Variants in AFF1 observed in about 807,000 individuals in gnomAD.
AFF1 encodes ALF transcription elongation factor 1.
In AFF1, 48 loss-of-function variants were observed where a neutral mutation model predicts 121.7. The observed-to-expected ratio is 0.39, with a 90% confidence interval of 0.31 to 0.50. The LOEUF (loss-of-function observed/expected upper bound fraction) is 0.50. Among genes scored for constraint, AFF1 ranks in the 20% least tolerant of loss-of-function variants. The pLI is 0.76. For synonymous variants in AFF1, 613 were observed against 563.0 expected (o/e 1.09, Z -1.26); for missense variants, 1,523 against 1,511.7 (o/e 1.01, Z -0.12).
chr4:87,106,425 C>T (rs147749826), intron 10 of AFF1, among the ~76,000 whole-genome samples: 41 of 152,264 alleles, frequency 2.7e-4, no homozygotes, highest in African/African-American at 8.4e-4. Context: ...AATTTATCAT[C>T]AGTATTAGGT....
At chr4:86,985,816 G>A (rs1724209194) in intron 2 of AFF1, among the ~76,000 whole-genome samples, 1 of 151,746 alleles carries the variant, frequency 6.6e-6, no homozygotes, top group African/African-American at 2.4e-5. Context: ...TTTTGAATAA[G>A]CTGTAACTCA....
chr4:87,114,342 C>CT (rs747918779), intron 11 of AFF1, 25 bp from the exon 12 acceptor site: 3 of 1,566,284 alleles, frequency 1.9e-6, no homozygotes, highest in Non-Finnish European at 2.6e-6. Context: ...TCAGTTAACA[C>CT]TTTTCTTTCT....
At chr4:87,012,748 C>T (rs1208686825) in intron 2 of AFF1, among the ~76,000 whole-genome samples, 3 of 152,258 alleles carry the variant, frequency 2.0e-5, no homozygotes, top group Middle Eastern at 3.4e-3. Flanking sequence ...ATATGTATAA[C>T]TTTTGGTGCT....
chr4:86,986,968 A>T (rs1724335838), intron 2 of AFF1, among the ~76,000 whole-genome samples: 1 of 152,032 alleles, frequency 6.6e-6, no homozygotes, highest in Non-Finnish European at 1.5e-5. Context: ...CACTGTCCTG[A>T]GTAGCTGGGA....
chr4:86,983,865 G>A (rs1283447405), intron 2 of AFF1, among the ~76,000 whole-genome samples: 2 of 151,882 alleles, frequency 1.3e-5, no homozygotes, highest in Non-Finnish European at 2.9e-5. Flanking sequence ...GTGAAACCCC[G>A]TCTCTACTAA....
intron 4 of AFF1, among the ~76,000 whole-genome samples, chr4:87,079,531 A>C (rs1011549861): frequency 2.6e-5 from 4 of 152,204 alleles, no homozygotes; most frequent in African/African-American, 9.6e-5. Context: ...AAAATGTTTT[A>C]GGTTATGCAT....
chr4:86,996,739 C>A (rs1725243513), intron 2 of AFF1, among the ~76,000 whole-genome samples: 1 of 149,052 alleles, frequency 6.7e-6, no homozygotes. Context: ...AACAAACAAA[C>A]AAAAAAACCC....
At chr4:86,973,832 A>G (rs1031546016) in intron 2 of AFF1, 2 of 146,016 alleles carry the variant, frequency 1.4e-5, no homozygotes, top group Non-Finnish European at 3.0e-5. Flanking sequence ...TGCCACAGAT[A>G]CTTATTGAAG....
chr4:86,966,482 TG>T (rs2149474243), intron 2 of AFF1, among the ~76,000 whole-genome samples: 1 of 152,192 alleles, frequency 6.6e-6, no homozygotes, highest in Admixed American at 6.5e-5. Context: ...CATCCCCCAG[TG>T]GGTGATTCCA....
chr4:87,125,845 C>T (rs114471446), intron 13 of AFF1, among the ~76,000 whole-genome samples: 308 of 152,186 alleles, frequency 2.0e-3, no homozygotes, highest in Non-Finnish European at 3.4e-3. Context: ...AGCAGGCGTT[C>T]GGAATGGTTG....
At chr4:86,951,626 T>TTTC (rs1721340078) in intron 2 of AFF1, among the ~76,000 whole-genome samples, 2 of 62,294 alleles carry the variant, frequency 3.2e-5, no homozygotes, top group African/African-American at 7.4e-5. Context: ...TTTTTTTCTT[T>TTTC]TTTTTTTTTT....
Position 87,136,893 on chromosome 4 carries a change from C to G in AFF1, c.*1192C>G, listed in dbSNP as rs1485645022. The G allele has an allele frequency of 4.5e-6, 1 of 221,200 alleles. No individual in the cohort carries two copies. The highest frequency in any genetic ancestry group is 5.8e-5 in the Admixed American group (1 of 17,344). 13.7% of individuals were successfully genotyped at this position (221,200 alleles called of 1,614,324 possible). On this transcript the variant is annotated 3_prime_UTR_variant, in exon 21 of 21. Coordinates refer to ENST00000395146, the MANE Select transcript of AFF1 (RefSeq NM_001166693.3). ...TAGAGATTTGGGGTGGTTGATTAGA[C>G]TTTTGAAAAACTCATCACCACATGC...
intron 4 of AFF1, among the ~76,000 whole-genome samples, chr4:87,078,128 A>C (rs1477550922): frequency 6.6e-6 from 1 of 152,210 alleles, no homozygotes; most frequent in Non-Finnish European, 1.5e-5. Flanking sequence ...TCATAGATGG[A>C]GTATTGTTAA....
chr4:86,999,069 CCT>C (rs1265317315), intron 2 of AFF1, among the ~76,000 whole-genome samples: 8 of 152,180 alleles, frequency 5.3e-5, no homozygotes, highest in Non-Finnish European at 1.5e-5. Context: ...CTTTCTCTTC[CCT>C]GTTTCCCTTT....
intron 7 of AFF1, among the ~76,000 whole-genome samples, 160 bp downstream of exon 7, chr4:87,091,989 A>C (rs1227061789): frequency 2.0e-5 from 3 of 152,220 alleles, no homozygotes. Context: ...TTTATGTGGG[A>C]TTTAAAATTG....
At chr4:87,085,920 G>C (rs940555926) in intron 5 of AFF1, among the ~76,000 whole-genome samples, 1 of 151,948 alleles carries the variant, frequency 6.6e-6, no homozygotes, top group African/African-American at 2.4e-5. Flanking sequence ...TGTATTTTTA[G>C]TAGAGACGGT....
intron 2 of AFF1, among the ~76,000 whole-genome samples, chr4:86,996,120 C>T (rs781464065): frequency 9.2e-5 from 14 of 151,762 alleles, no homozygotes; most frequent in Non-Finnish European, 1.9e-4. Flanking sequence ...AGGCCCCCGC[C>T]CGGCCAGCCG....
intron 2 of AFF1, among the ~76,000 whole-genome samples, chr4:86,974,279 C>G (rs890693152): frequency 6.6e-6 from 1 of 152,108 alleles, no homozygotes; most frequent in Admixed American, 6.6e-5. Flanking sequence ...TCCCAAGTGG[C>G]TGGAGTTACA....
At chr4:87,028,816 C>T (rs1442567290) in intron 2 of AFF1, among the ~76,000 whole-genome samples, 1 of 152,190 alleles carries the variant, frequency 6.6e-6, no homozygotes, top group East Asian at 1.9e-4. Flanking sequence ...TCTAGGAGTG[C>T]ATTTATTAGA....
Sources: gnomAD v4.1 joint callset for allele counts (sites outside exome capture counted in the v4.1 genomes callset) on GRCh38, gnomAD v4.1.1 for gene constraint, MANE v1.5 for transcripts, NCBI Gene and HGNC (gene_info 2026-07-23, HGNC 2026-07-21) for gene names.